The following TMTC3 variants were observed in gnomAD, a reference collection of about 807,000 sequenced individuals.
TMTC3 encodes the protein transmembrane O-mannosyltransferase targeting cadherins 3, also known as protein O-mannosyl-transferase TMTC3.
Under a neutral mutation model 92.2 loss-of-function variants are expected in TMTC3, and 52 were observed. The observed-to-expected ratio is 0.56, with a 90% CI of 0.45 to 0.71. The LOEUF (loss-of-function observed/expected upper bound fraction) is 0.71, where lower values mean the gene tolerates loss of function less well. Ranked by LOEUF, TMTC3 falls within the 30% of genes least tolerant of loss-of-function variation. The pLI is 0.00. For missense variants in TMTC3, 896 were observed against 1,057.1 expected, an observed-to-expected ratio of 0.85 and a Z score of 2.11; for synonymous variants, 339 against 363.3, an observed-to-expected ratio of 0.93 and a Z score of 0.76.
At chr12:88,188,571 T>C (rs2041404610) in intron 10 of TMTC3, among the ~76,000 whole-genome samples, 1 of 152,238 alleles carries the variant, frequency 6.6e-6, no homozygotes. Flanking sequence ...TCATGCCATG[T>C]ATGTATTTTC....
chr12:88,174,801 CT>C (rs1252723047), intron 9 of TMTC3, 74 bp downstream of exon 9: 31 of 1,571,904 alleles, frequency 2.0e-5, no homozygotes, highest in East Asian at 1.4e-4. Flanking sequence ...GCTGTTTTAA[CT>C]TTGTTTTTAA....
intron 10 of TMTC3, among the ~76,000 whole-genome samples, chr12:88,185,224 C>G (rs1460313602): frequency 6.6e-6 from 1 of 152,064 alleles, no homozygotes; most frequent in Non-Finnish European, 1.5e-5. Context: ...TTTTCTGATA[C>G]CTCCCTCTTA....
intron 10 of TMTC3, among the ~76,000 whole-genome samples, chr12:88,186,185 G>A (rs1004119514): frequency 3.9e-5 from 6 of 152,048 alleles, no homozygotes; most frequent in Non-Finnish European, 8.8e-5. Flanking sequence ...CATCACATTT[G>A]CATCCCTAGG....
intron 9 of TMTC3, among the ~76,000 whole-genome samples, chr12:88,175,157 GTAAAA>G (rs1430943853): frequency 6.7e-6 from 1 of 150,374 alleles, no homozygotes; most frequent in Middle Eastern, 3.2e-3. Flanking sequence ...CATCAATTCA[GTAAAA>G]TAAAATGTAC....
In TMTC3 at chr12:88,146,591, T is replaced by TTGTGTG. The variant is rs147128254; in HGVS notation, c.-28-1681_-28-1676dup. Among the ~76,000 whole-genome samples the TTGTGTG allele has an allele frequency of 1.3e-3, 190 of 143,082 alleles. 2 individuals are homozygous for TTGTGTG. The highest frequency in any genetic ancestry group is 0.011 in the Middle Eastern group (3 of 274). The allele number at this position is 143,082 out of a possible 152,430, so 93.9% of individuals were successfully genotyped here. A position where few individuals can be genotyped will look rare whatever the true frequency, so the allele number is the denominator to read the frequency against. On this transcript the variant is annotated intron_variant, in intron 1 of 13. Transcript: ENST00000266712. ...AAGAACCATATACATACCTATATAT[T>TTGTGTG]TGTGTGTGTGTGTGTGTGTGTATAT...
rs2041504609 is a variant in TMTC3, at chr12:88,195,694, T to TATC, written c.*48_*50dup. ...AATGGTATCAAAGAACATCAATCCG[T>TATC]ATCATGTGATTGCTTTTACTGGGAG... is the stretch of plus-strand genomic sequence containing the variant. On this transcript the variant is annotated 3_prime_UTR_variant, in exon 14 of 14. Coordinates refer to ENST00000266712, the MANE Select transcript of TMTC3 (RefSeq NM_181783.4). 4 of 1,482,752 alleles carry TATC rather than the reference T, an allele frequency of 2.7e-6. No individual in the cohort carries two copies. Among genetic ancestry groups the TATC allele is most frequent in the Non-Finnish European group, 3.6e-6 (4 of 1,104,538 alleles). The allele number at this position is 1,482,752 out of a possible 1,614,324, so 91.8% of individuals were successfully genotyped here.
Position 88,192,668 on chromosome 12 carries a change from G to C in TMTC3, c.1771G>C (p.Glu591Gln), listed in dbSNP as rs1206598297. The C allele has an allele frequency of 6.2e-7, 1 of 1,613,362 alleles. No individual in the cohort carries two copies. The highest frequency in any genetic ancestry group is 1.1e-5 in the South Asian group (1 of 91,062). Residue 591 changes from glutamate (E) to glutamine (Q), a missense_variant, in exon 13 of 14, where the codon GAG becomes CAG. Glu to Gln is a conservative substitution (Grantham distance 29). Transcript: ENST00000266712. ...AAAGGAAGCATATCTTAAAGCACTA[G>C]AGCTGGACAGAAATAATGCAGATCT... Reference protein sequence around the residue: ...KAKEAYLKALELDRNNADLWY... With the variant: ...KAKEAYLKALQLDRNNADLWY...
intron 6 of TMTC3, among the ~76,000 whole-genome samples, chr12:88,162,411 C>G (rs1362810838): frequency 6.6e-6 from 1 of 151,966 alleles, no homozygotes; most frequent in Non-Finnish European, 1.5e-5. Context: ...TTTCTTTTTC[C>G]TATTTTTCTT....
At chr12:88,154,717 G>A (rs1033517140) in intron 4 of TMTC3, among the ~76,000 whole-genome samples, 1 of 152,036 alleles carries the variant, frequency 6.6e-6, no homozygotes, top group South Asian at 2.1e-4. Flanking sequence ...CAGTATTTCA[G>A]TTGTCTTTGG....
At chr12:88,189,620 G>T (rs1392920452) in intron 11 of TMTC3, among the ~76,000 whole-genome samples, 1 of 152,038 alleles carries the variant, frequency 6.6e-6, no homozygotes, top group African/African-American at 2.4e-5. Flanking sequence ...TCCATCAGTT[G>T]TTAGAATAAG....
At position 88,180,279 on chromosome 12, in the gene TMTC3, C is replaced by T. The variant is rs189501002; in HGVS notation, c.1432+3960C>T. ...GAGTGACATGTAGTGTTACTTGGCA[C>T]CTCAGTCCAGTGTGTGTCATTACTA... On this transcript the variant is annotated intron_variant, in intron 10 of 13. Transcript: ENST00000266712. Among the ~76,000 whole-genome samples the T allele has an allele frequency of 4.3e-3, 655 of 152,194 alleles. 2 individuals carry two copies. Among genetic ancestry groups the T allele is most frequent in the Admixed American group, 8.0e-3 (122 of 15,270 alleles).
intron 7 of TMTC3, among the ~76,000 whole-genome samples, chr12:88,168,801 A>G: frequency 6.6e-6 from 1 of 152,194 alleles, no homozygotes. Context: ...ATTGTTAAAG[A>G]TGTTTAAGGC....
At position 88,198,134 on chromosome 12, in the gene TMTC3, ATTAT is replaced by A. The variant is rs1446154354; in HGVS notation, c.*2488_*2491del. 5.1e-6 allele frequency: 2 copies of A among 391,680 alleles called. No homozygotes were observed. The allele number at this position is 391,680 out of a possible 1,614,324, so 24.3% of individuals were successfully genotyped here. On this transcript the variant is annotated 3_prime_UTR_variant, in exon 14 of 14. Transcript: ENST00000266712. The stretch of plus-strand genomic sequence containing the variant: ...ATCAAACTAGCCCTTGTGTAAGATT[ATTAT>A]TTCTTCTCTATAACTTCAAAATAGA...
intron 7 of TMTC3, among the ~76,000 whole-genome samples, chr12:88,168,677 G>A (rs1400588744): frequency 2.6e-5 from 4 of 152,166 alleles, no homozygotes; most frequent in African/African-American, 9.7e-5. Context: ...GACTTAAGTT[G>A]ATTAGTTAAG....
chr12:88,158,578 C>T (rs1222646443), intron 4 of TMTC3, among the ~76,000 whole-genome samples: 1 of 150,332 alleles, frequency 6.7e-6, no homozygotes, highest in Admixed American at 6.6e-5. Context: ...TCTTTGTTTT[C>T]GGTTATTTTT....
At chr12:88,184,030 A>C (rs1592746761) in intron 10 of TMTC3, among the ~76,000 whole-genome samples, 1 of 151,992 alleles carries the variant, frequency 6.6e-6, no homozygotes, top group African/African-American at 2.4e-5. Flanking sequence ...CACACGGGGC[A>C]CCACCTGCCG....
rs138778751 is a variant in TMTC3 at position 88,195,456 on chromosome 12, G to A, written c.2552G>A (p.Gly851Asp). Residue 851 changes from glycine (G) to aspartate (D), a missense_variant, in exon 14 of 14, where the codon GGT becomes GAT. Physicochemically the swap from Gly to Asp is moderately conservative, Grantham distance 94. Coordinates refer to ENST00000266712, the MANE Select transcript of TMTC3 (RefSeq NM_181783.4). ...ACTGAAAGTGTAAAAGAAATTAGAG[G>A]TGAATCCAGACAAACACAAATAGTA... ...IPTESVKEIRGESRQTQIVKT... is the reference protein window; with the variant it reads ...IPTESVKEIRDESRQTQIVKT... 1.7e-4 allele frequency: 276 copies of A among 1,613,108 alleles called. 1 individual carries two copies. In the African/African-American group the frequency reaches 3.4e-3, roughly 20 times the overall value.
rs776849091 is a variant in TMTC3 at position 88,190,569 on chromosome 12, G to C, written c.1653G>C (p.Leu551=). 9.3e-6 allele frequency: 15 copies of C among 1,613,750 alleles called. No individual in the cohort carries two copies. The highest frequency in any genetic ancestry group is 1.3e-5 in the Non-Finnish European group (15 of 1,179,900). ...CCCGACTGGAAGAAGCAGATCAGCT[G>C]TACCGTCAAGCAATAAGCATGAGGC... ...NESRLEEADQ[L]YRQAISMRPD... Residue 551 remains leucine, a synonymous_variant, in exon 12 of 14, where the codon CTG becomes CTC. Transcript: ENST00000266712.
intron 10 of TMTC3, among the ~76,000 whole-genome samples, chr12:88,179,171 T>C (rs947431580): frequency 2.0e-5 from 3 of 152,202 alleles, no homozygotes; most frequent in Non-Finnish European, 4.4e-5. Flanking sequence ...CTTAGAAATA[T>C]TGAATGTGGC....
Sources: allele counts gnomAD v4.1 joint callset (sites outside exome capture counted in the v4.1 genomes callset), GRCh38; gene constraint gnomAD v4.1.1; transcripts MANE v1.5; gene names NCBI Gene and HGNC (gene_info 2026-07-23, HGNC 2026-07-21).